The following ZNF423 variants were observed in gnomAD, a reference collection of about 807,000 sequenced individuals.
The protein encoded by ZNF423 is zinc finger protein 423.
ZNF423 carries 12 observed loss-of-function variants against 95.8 expected under a neutral mutation model. The ratio of observed to expected loss-of-function variants is 0.13; its 90% CI spans 0.08 to 0.20. The LOEUF is 0.20. Among genes scored for constraint, ZNF423 ranks in the 10% least tolerant of loss-of-function variants. The pLI is 1.00. For missense variants in ZNF423, 1,316 were observed against 1,737.1 expected (o/e 0.76, Z 4.31); for synonymous variants, 749 against 711.9 (o/e 1.05, Z -0.83).
At chr16:49,593,063 T>C (rs78474057) in intron 5 of ZNF423, among the ~76,000 whole-genome samples, 232 of 152,252 alleles carry the variant, frequency 1.5e-3, no homozygotes, top group Admixed American at 1.8e-3. Flanking sequence ...AAAGGTTGTA[T>C]GGGGGAGTGA....
chr16:49,544,198 G>C (rs905803098), intron 5 of ZNF423, among the ~76,000 whole-genome samples: 1 of 152,170 alleles, frequency 6.6e-6, no homozygotes, highest in South Asian at 2.1e-4. Flanking sequence ...GCAACAAAAC[G>C]ACAGTATGGT....
chr16:49,575,469 C>A (rs778010531), intron 5 of ZNF423, among the ~76,000 whole-genome samples: 1 of 152,178 alleles, frequency 6.6e-6, no homozygotes, highest in African/African-American at 2.4e-5. Context: ...ACATCACATC[C>A]GGCCAGCATT....
intron 3 of ZNF423, among the ~76,000 whole-genome samples, chr16:49,673,310 T>C (rs1364957755): frequency 6.6e-6 from 1 of 152,202 alleles, no homozygotes; most frequent in Non-Finnish European, 1.5e-5. Context: ...CAACTTCTCT[T>C]GATTGGCAAT....
Position 49,855,070 on chromosome 16 carries a change from G to A in ZNF423, c.40+665C>T, listed in dbSNP as rs1328842616. ...AATGAACTCCTGGCGGAGGCTCCCT[G>A]CCCGGTGGGCCTCGGTGGAGGAGGC... On this transcript the variant is annotated intron_variant, in intron 1 of 7. Transcript: ENST00000563137. This position sits in a 1 kb window ranked among gnomAD's most constrained non-coding sequence, Gnocchi z 4.7. 1.3e-5 allele frequency: 13 copies of A among 981,962 alleles called. No homozygotes were observed. The South Asian group carries it at 6.1e-4, about 46-fold the overall frequency. The allele number at this position is 981,962 out of a possible 1,614,324, so 60.8% of individuals were successfully genotyped here. A position where few individuals can be genotyped will look rare whatever the true frequency, so the allele number is the denominator to read the frequency against.
chr16:49,795,334 C>T (rs1411736336), intron 1 of ZNF423, among the ~76,000 whole-genome samples: 1 of 152,190 alleles, frequency 6.6e-6, no homozygotes, highest in Non-Finnish European at 1.5e-5. Flanking sequence ...AGAGTCACAC[C>T]AGCTCTGGGA....
intron 3 of ZNF423, among the ~76,000 whole-genome samples, chr16:49,657,301 C>A (rs1320032628): frequency 6.6e-6 from 1 of 152,216 alleles, no homozygotes; most frequent in Non-Finnish European, 1.5e-5. Context: ...AGAAACTCCC[C>A]AAAAACACTC....
intron 5 of ZNF423, among the ~76,000 whole-genome samples, chr16:49,547,277 G>A (rs759433677): frequency 3.6e-4 from 55 of 152,068 alleles, no homozygotes; most frequent in Admixed American, 1.3e-4. Flanking sequence ...CCACTCTGTT[G>A]GTTAAAGGCT....
intron 1 of ZNF423, among the ~76,000 whole-genome samples, chr16:49,851,088 G>A (rs1463949071): frequency 2.0e-5 from 3 of 152,220 alleles, no homozygotes; most frequent in Non-Finnish European, 2.9e-5. Context: ...CAAAGACAGG[G>A]AAAGCACTCT....
chr16:49,732,311 G>A (rs537124268), intron 2 of ZNF423, among the ~76,000 whole-genome samples: 21 of 152,292 alleles, frequency 1.4e-4, no homozygotes, highest in Admixed American at 9.8e-4. Context: ...GTGCAAAAGC[G>A]TGTGGTAAAT....
Position 49,789,564 on chromosome 16 carries a change from G to A in ZNF423, c.41-18C>T, listed in dbSNP as rs760062540. On this transcript the variant is annotated intron_variant, in intron 1 of 7. Transcript: ENST00000563137. ...CTCTTCAACTGAAAGAGAGAACAGA[G>A]ATGGGCCTGTGAGTTTGAAGGCTGT... 13 of 1,609,984 alleles carry A rather than the reference G, an allele frequency of 8.1e-6. No individual in the cohort carries two copies. Among genetic ancestry groups the A allele is most frequent in the Middle Eastern group, 1.6e-4 (1 of 6,072 alleles).
chr16:49,575,119 G>A (rs1022549131), intron 5 of ZNF423, among the ~76,000 whole-genome samples: 9 of 152,096 alleles, frequency 5.9e-5, no homozygotes, highest in South Asian at 2.1e-4. Context: ...CTGCACCTTC[G>A]TAATGAGAAG....
At chr16:49,799,651 G>A (rs921920781) in intron 1 of ZNF423, among the ~76,000 whole-genome samples, 1 of 152,166 alleles carries the variant, frequency 6.6e-6, no homozygotes, top group Non-Finnish European at 1.5e-5. Flanking sequence ...ACTAACCCCA[G>A]TAAAATCTAT....
intron 1 of ZNF423, among the ~76,000 whole-genome samples, chr16:49,810,818 A>G (rs2034738904): frequency 6.6e-6 from 1 of 152,176 alleles, no homozygotes; most frequent in Admixed American, 6.5e-5. Context: ...GTGCATTTAC[A>G]CTTTCTCTCC....
intron 5 of ZNF423, among the ~76,000 whole-genome samples, chr16:49,539,086 A>G (rs1291691689): frequency 6.6e-6 from 1 of 151,780 alleles, no homozygotes; most frequent in East Asian, 1.9e-4. Flanking sequence ...ATCCCTATAG[A>G]CCATGCCCTT....
chr16:49,695,679 G>A (rs556940303), intron 3 of ZNF423, among the ~76,000 whole-genome samples: 158 of 152,314 alleles, frequency 1.0e-3, no homozygotes, highest in African/African-American at 3.6e-3. Flanking sequence ...CACCCACCTC[G>A]GCCTCCCAAA....
intron 5 of ZNF423, among the ~76,000 whole-genome samples, chr16:49,532,863 C>T (rs771831093): frequency 3.3e-5 from 5 of 152,208 alleles, no homozygotes; most frequent in Non-Finnish European, 7.3e-5. Context: ...GTCCCCCTTC[C>T]ACAATGCTGT....
intron 1 of ZNF423, among the ~76,000 whole-genome samples, chr16:49,818,056 C>G (rs189536433): frequency 6.6e-6 from 1 of 152,104 alleles, no homozygotes; most frequent in Non-Finnish European, 1.5e-5. Flanking sequence ...CATCCAGTGC[C>G]AGGCCTGCCA....
At chr16:49,625,214 G>A (rs185358829) in intron 5 of ZNF423, among the ~76,000 whole-genome samples, 126 of 152,290 alleles carry the variant, frequency 8.3e-4, no homozygotes, top group African/African-American at 2.7e-3. Flanking sequence ...TTAGCCAGGC[G>A]CAGTGGCAGG....
chr16:49,621,099 T>C (rs7201451), intron 5 of ZNF423, among the ~76,000 whole-genome samples: 150,337 of 152,170 alleles, frequency 0.99, 74,267 homozygotes, highest in Middle Eastern at 1. Flanking sequence ...GAGGTGGGAG[T>C]CATCCTCCCA....
Sources: allele counts gnomAD v4.1 joint callset (sites outside exome capture counted in the v4.1 genomes callset), GRCh38; gene constraint gnomAD v4.1.1; non-coding constraint Gnocchi (gnomAD v3.1); transcripts MANE v1.5; gene names NCBI Gene and HGNC (gene_info 2026-07-23, HGNC 2026-07-21).